Variants in DOCK4 observed in about 807,000 individuals in gnomAD.
DOCK4 encodes dedicator of cytokinesis protein 4.
DOCK4 carries 97 observed loss-of-function variants against 268.1 expected under a neutral mutation model. The observed-to-expected ratio is 0.36, with a 90% CI of 0.31 to 0.43. The LOEUF (loss-of-function observed/expected upper bound fraction) is 0.43. Ranked by LOEUF, DOCK4 falls within the 20% of genes least tolerant of loss-of-function variation. The pLI is 1.00. For synonymous variants in DOCK4, 954 were observed against 887.2 expected (o/e 1.08, Z -1.34); for missense variants, 2,145 against 2,455.7 (o/e 0.87, Z 2.67).
intron 1 of DOCK4, among the ~76,000 whole-genome samples, chr7:112,145,482 C>T (rs56117215): frequency 6.6e-6 from 1 of 152,132 alleles, no homozygotes; most frequent in Admixed American, 6.6e-5. Flanking sequence ...CGCAGTAATG[C>T]AATATTATAT....
intron 23 of DOCK4, among the ~76,000 whole-genome samples, chr7:111,849,668 C>G (rs1387070727): frequency 6.6e-6 from 1 of 152,154 alleles, no homozygotes; most frequent in African/African-American, 2.4e-5. Flanking sequence ...CACAAAATCT[C>G]TGTATGCCTA....
chr7:111,798,821 A>G (rs1236888383), intron 30 of DOCK4, among the ~76,000 whole-genome samples: 1 of 152,260 alleles, frequency 6.6e-6, no homozygotes, highest in East Asian at 1.9e-4. Context: ...ACTAACTCCA[A>G]GTATGCTTTC....
rs1255350417 is a variant in DOCK4 at position 111,872,064 on chromosome 7, A to G, written c.1953T>C (p.Asp651=). The G allele has an allele frequency of 1.9e-6, 3 of 1,548,782 alleles. No homozygotes were observed. The highest frequency in any genetic ancestry group is 1.4e-5 in the African/African-American group (1 of 73,156). ...CAGGTTTAAAATGATGAAATTTGCTATCTTGCAGCAAATTTATTATGTGAA... is the reference window on the plus strand; with the variant it reads ...CAGGTTTAAAATGATGAAATTTGCTGTCTTGCAGCAAATTTATTATGTGAA... ...SLVHIINLLQ[D]SKFHHFKPVM... The change falls in exon 20 of 53, where the codon GAT becomes GAC. Residue 651 remains aspartate (D), a synonymous_variant. Coordinates refer to ENST00000428084, the MANE Select transcript of DOCK4 (RefSeq NM_001363540.2).
chr7:111,791,070 TTATATATATATA>T lies in DOCK4; in HGVS notation c.3167-477_3167-466del, dbSNP rs35033313. On this transcript the variant is annotated intron_variant, in intron 30 of 52. Coordinates refer to ENST00000428084, the MANE Select transcript of DOCK4 (RefSeq NM_001363540.2). ...AAGACTCTGTCTCAAAAAAAAAAAA[TTATATATATATA>T]TATATATATATATATATAAAATAAA... Among the ~76,000 whole-genome samples, 46 of 95,442 alleles carry T rather than the reference TTATATATATATA, an allele frequency of 4.8e-4. No homozygotes were observed. In the South Asian group the frequency reaches 0.012, roughly 26 times the overall value. The allele number at this position is 95,442 out of a possible 152,430, so 62.6% of individuals were successfully genotyped here. A position where few individuals can be genotyped will look rare whatever the true frequency, so the allele number is the denominator to read the frequency against.
chr7:112,101,667 C>A (rs911489998), intron 1 of DOCK4, among the ~76,000 whole-genome samples: 5 of 152,176 alleles, frequency 3.3e-5, no homozygotes, highest in Non-Finnish European at 7.4e-5. Flanking sequence ...TTATCTCTCT[C>A]AAGCTGGCAC....
At chr7:112,083,404 A>G (rs569868145) in intron 1 of DOCK4, among the ~76,000 whole-genome samples, 148 of 152,182 alleles carry the variant, frequency 9.7e-4, no homozygotes, top group Non-Finnish European at 1.8e-3. Flanking sequence ...TATAGAATTA[A>G]TAGTATAACG....
chr7:112,101,845 C>CTTTTTTTT (rs72188849), intron 1 of DOCK4, among the ~76,000 whole-genome samples: 1 of 146,314 alleles, frequency 6.8e-6, no homozygotes, highest in Non-Finnish European at 1.5e-5. Flanking sequence ...TTTTCTTTTT[C>CTTTTTTTT]TTTTTTTTTT....
chr7:112,075,702 C>T (rs567948297), intron 1 of DOCK4, among the ~76,000 whole-genome samples: 6 of 152,180 alleles, frequency 3.9e-5, no homozygotes, highest in African/African-American at 1.4e-4. Context: ...GATGTAAACA[C>T]ACTATGCCAT....
chr7:111,963,449 C>A (rs1328782155), intron 8 of DOCK4, among the ~76,000 whole-genome samples: 1 of 111,388 alleles, frequency 9.0e-6, no homozygotes, highest in East Asian at 3.1e-4. Flanking sequence ...GGGTGACTGA[C>A]GCACCTGGAA....
In DOCK4 at chr7:111,880,947, A is replaced by C. The variant is rs142945797; in HGVS notation, c.1588-3761T>G. Among the ~76,000 whole-genome samples the C allele has an allele frequency of 2.0e-3, 312 of 152,320 alleles. 2 individuals carry two copies. Among genetic ancestry groups the C allele is most frequent in the African/African-American group, 7.1e-3 (295 of 41,568 alleles). ...ATCAAATCAAAATGGATTAAAAATTAAATCTAAGACCTCAAACTATGAAAC... is the reference window on the plus strand; with the variant it reads ...ATCAAATCAAAATGGATTAAAAATTCAATCTAAGACCTCAAACTATGAAAC... On this transcript the variant is annotated intron_variant, in intron 16 of 52. Transcript: ENST00000428084.
chr7:111,823,247 G>T (rs904234787), intron 26 of DOCK4, among the ~76,000 whole-genome samples: 1 of 130,166 alleles, frequency 7.7e-6, no homozygotes, highest in African/African-American at 3.2e-5. Context: ...TTGCTCTGTC[G>T]CCAGGCTAGA....
At chr7:111,789,163 T>C in intron 31 of DOCK4, 1 of 192,746 alleles carries the variant, frequency 5.2e-6, no homozygotes, top group Non-Finnish European at 1.1e-5. Flanking sequence ...TGATGTGTTT[T>C]ATATCTATTT....
intron 8 of DOCK4, among the ~76,000 whole-genome samples, chr7:111,963,252 G>T (rs1227528180): frequency 6.6e-6 from 1 of 151,348 alleles, no homozygotes; most frequent in African/African-American, 2.4e-5. Flanking sequence ...CCCAGCGTGA[G>T]CGACGCAGAA....
intron 25 of DOCK4, among the ~76,000 whole-genome samples, chr7:111,837,773 G>A (rs889510209): frequency 6.6e-6 from 1 of 152,086 alleles, no homozygotes; most frequent in Non-Finnish European, 1.5e-5. Context: ...TTCATGGATT[G>A]GGAAATGCAA....
At chr7:111,937,173 C>G (rs1413267835) in intron 11 of DOCK4, among the ~76,000 whole-genome samples, 6 of 152,184 alleles carry the variant, frequency 3.9e-5, no homozygotes, top group Non-Finnish European at 8.8e-5. Flanking sequence ...CAGGCTCAGG[C>G]AGGCATTTGC....
In DOCK4 at chr7:111,760,781, T is replaced by TGTGC. The variant is rs61045792; in HGVS notation, c.4021-460_4021-459insGCAC. ...GTGTGTGTGTGTGTGTGTGTGTGTG[T>TGTGC]GTATTCTGCCGTTCATGATGCTCTC... On this transcript the variant is annotated intron_variant, in intron 39 of 52. Transcript: ENST00000428084. Among the ~76,000 whole-genome samples the TGTGC allele has an allele frequency of 3.9e-3, 561 of 143,428 alleles. 5 individuals are homozygous for TGTGC. The highest frequency in any genetic ancestry group is 0.014 in the African/African-American group (543 of 38,148). 94.1% of individuals were successfully genotyped at this position (143,428 alleles called of 152,430 possible).
chr7:111,789,452 G>C (rs780815719), intron 31 of DOCK4, among the ~76,000 whole-genome samples: 1 of 152,212 alleles, frequency 6.6e-6, no homozygotes, highest in Non-Finnish European at 1.5e-5. Flanking sequence ...TATGGCCAGA[G>C]AGAGTTAAAA....
chr7:112,185,672 AT>A (rs1444482454), intron 1 of DOCK4, among the ~76,000 whole-genome samples: 2 of 152,268 alleles, frequency 1.3e-5, no homozygotes, highest in East Asian at 3.9e-4. Context: ...TGACCACAAC[AT>A]TTGAGTGACA....
Position 111,989,043 on chromosome 7 carries a change from T to C in DOCK4, c.436A>G (p.Ile146Val). The change falls in exon 6 of 53, where the codon ATT becomes GTT. Residue 146 changes from isoleucine (I) to valine (V), a missense_variant. By Grantham distance (29) the Ile-to-Val change is conservative. Coordinates refer to ENST00000428084, the MANE Select transcript of DOCK4 (RefSeq NM_001363540.2). ...TTGCCCCAGTCAAGCCGGGCAGTAA[T>C]GTGGCGCTTCACGTCCTTCATCCGG... ...HDRMKDVKRH[I>V]TARLDWGNEQ... 1 of 1,613,652 alleles carries C rather than the reference T, an allele frequency of 6.2e-7. No homozygotes were observed. Among genetic ancestry groups the C allele is most frequent in the Non-Finnish European group, 8.5e-7 (1 of 1,179,688 alleles).
Sources: gnomAD v4.1 joint callset for allele counts (sites outside exome capture counted in the v4.1 genomes callset) on GRCh38, gnomAD v4.1.1 for gene constraint, MANE v1.5 for transcripts, NCBI Gene and HGNC (gene_info 2026-07-23, HGNC 2026-07-21) for gene names.